The following GRAMD2A variants were observed in gnomAD, a reference collection of about 807,000 sequenced individuals.
GRAMD2A encodes the protein GRAM domain-containing protein 2A.
Under a neutral mutation model 51.1 loss-of-function variants are expected in GRAMD2A, and 37 were observed. The observed-to-expected ratio is 0.72, with a 90% CI of 0.56 to 0.95. GRAMD2A has a LOEUF of 0.95. Ranked by LOEUF, GRAMD2A falls within the 40% of genes least tolerant of loss-of-function variation. GRAMD2A has a pLI of 0.00. For missense variants in GRAMD2A, 414 were observed against 426.9 expected (o/e 0.97, Z 0.27); for synonymous variants, 136 against 157.1 (o/e 0.87, Z 1.01).
At chr15:72,194,476 G>T (rs143733536) in intron 1 of GRAMD2A, among the ~76,000 whole-genome samples, 7 of 152,094 alleles carry the variant, frequency 4.6e-5, no homozygotes, top group Non-Finnish European at 1.0e-4. Context: ...CTTAGCAAGA[G>T]GGCATGCTTA....
rs1289273780 is a variant in GRAMD2A, at chr15:72,159,841, T to C, written c.*2168A>G. ...AAATCAAGTTTTTTATTTTAAAATATTTTCAAAGGCTAAGGCCATAGCAAA... is the reference window on the plus strand; with the variant it reads ...AAATCAAGTTTTTTATTTTAAAATACTTTCAAAGGCTAAGGCCATAGCAAA... On this transcript the variant is annotated 3_prime_UTR_variant, in exon 12 of 12. Transcript: ENST00000309731. The C allele has an allele frequency of 2.0e-5, 3 of 152,206 alleles. No homozygotes were observed. The highest frequency in any genetic ancestry group is 2.4e-5 in the African/African-American group (1 of 41,444). The allele number at this position is 152,206 out of a possible 1,614,324, so 9.4% of individuals were successfully genotyped here.
At chr15:72,190,884 G>A (rs1286473379) in intron 1 of GRAMD2A, among the ~76,000 whole-genome samples, 1 of 152,078 alleles carries the variant, frequency 6.6e-6, no homozygotes, top group Non-Finnish European at 1.5e-5. Context: ...CGGATCTGAG[G>A]AAATGCAAAA....
At chr15:72,164,077 C>T (rs2081513297) in intron 8 of GRAMD2A, among the ~76,000 whole-genome samples, 1 of 152,208 alleles carries the variant, frequency 6.6e-6, no homozygotes. Context: ...CTCGGCACAA[C>T]ATGTCTTAGG....
chr15:72,172,304 A>AGAC (rs1189623263), intron 1 of GRAMD2A, among the ~76,000 whole-genome samples: 1 of 151,530 alleles, frequency 6.6e-6, no homozygotes, highest in Admixed American at 6.6e-5. Flanking sequence ...TTTTTTTTGT[A>AGAC]GACAGCGGGG....
At chr15:72,169,069 C>T in intron 2 of GRAMD2A, 73 bp from the exon 3 acceptor site, 1 of 1,394,644 alleles carries the variant, frequency 7.2e-7, no homozygotes, top group Non-Finnish European at 1.0e-6. Context: ...GCCAATTCTG[C>T]CCTGGCCTTG....
In GRAMD2A at chr15:72,166,015, C is replaced by A. The variant is rs186473578; in HGVS notation, c.544-605G>T. Among the ~76,000 whole-genome samples, 598 of 152,170 alleles carry A rather than the reference C, an allele frequency of 3.9e-3. 4 individuals are homozygous for A. The highest frequency in any genetic ancestry group is 0.014 in the African/African-American group (561 of 41,514). The stretch of plus-strand genomic sequence containing the variant: ...TCCCAAGTAGCTGGGATTACAGGTG[C>A]CTGCCACCACACCCGGCTAATTTTT... On this transcript the variant is annotated intron_variant, in intron 7 of 11. Transcript: ENST00000309731. This position sits in a 1 kb window ranked among gnomAD's most constrained non-coding sequence, Gnocchi z 4.1.
At chr15:72,193,515 G>A (rs2081783297) in intron 1 of GRAMD2A, among the ~76,000 whole-genome samples, 1 of 150,842 alleles carries the variant, frequency 6.6e-6, no homozygotes, top group Admixed American at 6.6e-5. Flanking sequence ...ACCACACCCG[G>A]CTTGTGCATT....
At chr15:72,176,609 G>A (rs889560165) in intron 1 of GRAMD2A, 2 of 152,338 alleles carry the variant, frequency 1.3e-5, no homozygotes, top group African/African-American at 4.8e-5. Flanking sequence ...CAGAAACCAG[G>A]GAAATAGCCA....
rs12442820 is a variant in GRAMD2A at position 72,167,099 on chromosome 15, G to A, written c.373-7C>T. 6,567 of 1,600,190 alleles carry A rather than the reference G, an allele frequency of 4.1e-3. 221 individuals are homozygous for A. In the Admixed American group the frequency reaches 0.07, roughly 17 times the overall value. ...ACACCACAGGAATGACCACCTGAGA[G>A]GGAGAGGGATGCTTCTCTCAGGACT... is the stretch of plus-strand genomic sequence containing the variant. On this transcript the variant is annotated splice_region_variant and splice_polypyrimidine_tract_variant and intron_variant, in intron 5 of 11. Transcript: ENST00000309731.
At chr15:72,169,630 G>T (rs1461266796) in intron 2 of GRAMD2A, 5 of 692,178 alleles carry the variant, frequency 7.2e-6, no homozygotes. Context: ...CAGGGAGGAG[G>T]CTGGAAACCC....
At chr15:72,173,933 TAAAAAAA>T (rs577222527) in intron 1 of GRAMD2A, 2 of 66,672 alleles carry the variant, frequency 3.0e-5, no homozygotes, top group Middle Eastern at 0.012. Context: ...AAATTCTGTC[TAAAAAAA>T]AAAAAAAAAA....
At chr15:72,187,783 G>T (rs1245679091) in intron 1 of GRAMD2A, among the ~76,000 whole-genome samples, 1 of 152,194 alleles carries the variant, frequency 6.6e-6, no homozygotes, top group Non-Finnish European at 1.5e-5. Flanking sequence ...CTCTGAAAGT[G>T]CTGGGATTAC....
Position 72,169,924 on chromosome 15 carries a change from G to C in GRAMD2A, c.57C>G (p.His19Gln), listed in dbSNP as rs759832209. 11 of 1,614,050 alleles carry C rather than the reference G, an allele frequency of 6.8e-6. No individual in the cohort carries two copies. Among genetic ancestry groups the C allele is most frequent in the Non-Finnish European group, 2.5e-6 (3 of 1,179,926 alleles). The change falls in exon 2 of 12, where the codon CAC becomes CAG. Residue 19 changes from histidine (H) to glutamine (Q), a missense_variant. Coordinates refer to ENST00000309731, the MANE Select transcript of GRAMD2A (RefSeq NM_001012642.3). Reference sequence around the variant, plus strand: ...GACTGTTCAGAGAAGCTGTCTTTCTGTGCATTTGTTGGTTGCTAGGGAAAA... The same window carrying C: ...GACTGTTCAGAGAAGCTGTCTTTCTCTGCATTTGTTGGTTGCTAGGGAAAA... ...ATEEGGNQQM[H>Q]RKTASLNSPV... is the part of the protein sequence containing the mutation.
intron 1 of GRAMD2A, chr15:72,176,640 T>C (rs1224812555): frequency 6.6e-6 from 1 of 152,396 alleles, no homozygotes; most frequent in Non-Finnish European, 1.5e-5. Context: ...GGAAGCTTCG[T>C]GGACATCTGT....
intron 1 of GRAMD2A, among the ~76,000 whole-genome samples, chr15:72,191,909 T>C (rs986516849): frequency 6.6e-6 from 1 of 152,234 alleles, no homozygotes; most frequent in African/African-American, 2.4e-5. Context: ...TCTTTGACTT[T>C]AGTCAAAGTA....
chr15:72,165,878 G>GT (rs1216959283), intron 7 of GRAMD2A, among the ~76,000 whole-genome samples: 18 of 148,298 alleles, frequency 1.2e-4, no homozygotes, highest in African/African-American at 4.0e-4. Flanking sequence ...GTTTTTTTTT[G>GT]TTTTTTTGAG....
intron 1 of GRAMD2A, among the ~76,000 whole-genome samples, chr15:72,191,205 C>CTT (rs79752612): frequency 2.1e-5 from 3 of 146,308 alleles, no homozygotes; most frequent in Non-Finnish European, 4.5e-5. Context: ...GGGAACACAT[C>CTT]TTTTTTTTTT....
intron 1 of GRAMD2A, among the ~76,000 whole-genome samples, chr15:72,172,405 C>T (rs544686559): frequency 1.3e-5 from 2 of 151,572 alleles, no homozygotes; most frequent in Admixed American, 6.6e-5. Flanking sequence ...AGGTGTGAGC[C>T]ACCATGCCTA....
At chr15:72,167,906 C>T (rs1468476531) in intron 4 of GRAMD2A, 67 bp from the exon 5 acceptor site, 7 of 1,136,816 alleles carry the variant, frequency 6.2e-6, no homozygotes, top group African/African-American at 1.5e-5. Flanking sequence ...GGACCTGGGT[C>T]CTCACGTTCT....
Sources: allele counts gnomAD v4.1 joint callset (sites outside exome capture counted in the v4.1 genomes callset), GRCh38; gene constraint gnomAD v4.1.1; non-coding constraint Gnocchi (gnomAD v3.1); transcripts MANE v1.5; gene names NCBI Gene and HGNC (gene_info 2026-07-23, HGNC 2026-07-21).